NRG3: variants seen among roughly 807,000 people sequenced by gnomAD.
The protein encoded by NRG3 is pro-neuregulin-3, membrane-bound isoform.
Under a neutral mutation model 66.9 loss-of-function variants are expected in NRG3, and 31 were observed. That is an observed-to-expected ratio of 0.46 (90% CI 0.35 to 0.63). NRG3 has a LOEUF of 0.63. Among genes scored for constraint, NRG3 ranks in the 20% least tolerant of loss-of-function variants. The pLI, the probability that NRG3 is intolerant of heterozygous loss-of-function variation, is 0.00. For synonymous variants in NRG3, 393 were observed against 359.4 expected (o/e 1.09, Z -1.06); for missense variants, 910 against 878.9 (o/e 1.04, Z -0.45).
At chr10:82,801,861 A>G (rs2135439933) in intron 3 of NRG3, among the ~76,000 whole-genome samples, 1 of 152,298 alleles carries the variant, frequency 6.6e-6, no homozygotes. Context: ...CAATAGACAC[A>G]TTCAATGTAA....
chr10:82,330,208 T>C (rs1446146496), intron 1 of NRG3, among the ~76,000 whole-genome samples: 2 of 152,192 alleles, frequency 1.3e-5, no homozygotes, highest in Admixed American at 1.3e-4. Flanking sequence ...AGGGAAATGA[T>C]ACCTGTAAAA....
intron 2 of NRG3, among the ~76,000 whole-genome samples, chr10:82,722,894 A>C (rs189283491): frequency 5.8e-4 from 89 of 152,312 alleles, no homozygotes; most frequent in Middle Eastern, 3.4e-3. Flanking sequence ...AACAGGGCTT[A>C]CTGTGGAAAG....
intron 1 of NRG3, among the ~76,000 whole-genome samples, chr10:82,051,137 C>T (rs2063572949): frequency 6.6e-6 from 1 of 152,052 alleles, no homozygotes; most frequent in Admixed American, 6.6e-5. Flanking sequence ...ACAACTTTTA[C>T]TACCAGCAAA....
intron 1 of NRG3, among the ~76,000 whole-genome samples, chr10:82,318,279 A>AC (rs1293579704): frequency 6.6e-6 from 1 of 152,070 alleles, no homozygotes; most frequent in Non-Finnish European, 1.5e-5. Context: ...GGTTTGTGTG[A>AC]CCCAGTTCCC....
intron 1 of NRG3, among the ~76,000 whole-genome samples, chr10:82,345,576 A>G (rs2082959686): frequency 6.6e-6 from 1 of 151,418 alleles, no homozygotes; most frequent in Non-Finnish European, 1.5e-5. Flanking sequence ...TGAACTTTAA[A>G]GTAGTTTTTT....
At chr10:82,106,297 C>T (rs1331817168) in intron 1 of NRG3, among the ~76,000 whole-genome samples, 1 of 152,162 alleles carries the variant, frequency 6.6e-6, no homozygotes, top group Non-Finnish European at 1.5e-5. Context: ...AGTTCCTCCA[C>T]CAGTGTTGCT....
chr10:82,523,992 T>G (rs1428848055), intron 2 of NRG3, among the ~76,000 whole-genome samples: 1 of 152,078 alleles, frequency 6.6e-6, no homozygotes, highest in Non-Finnish European at 1.5e-5. Flanking sequence ...AGTTTTCCCT[T>G]AAAGTTGTTA....
intron 2 of NRG3, among the ~76,000 whole-genome samples, chr10:82,602,674 A>G (rs1351147790): frequency 1.3e-5 from 2 of 152,206 alleles, no homozygotes; most frequent in African/African-American, 4.8e-5. Context: ...GAGATCATAT[A>G]TGAAGACCCA....
rs144601328 is a variant in NRG3 at position 82,333,676 on chromosome 10, T to A, written c.824-25063T>A. On this transcript the variant is annotated intron_variant, in intron 1 of 8. Transcript: ENST00000372141. ...AGCAATTTTAGTTCCTGGAGTCTTT[T>A]CACACTTACTGAGAAATCTACAAGG... is the stretch of plus-strand genomic sequence containing the variant. Among the ~76,000 whole-genome samples the A allele has an allele frequency of 7.8e-3, 1,186 of 152,318 alleles. 13 individuals are homozygous for A. Among genetic ancestry groups the A allele is most frequent in the African/African-American group, 0.026 (1,097 of 41,570 alleles).
chr10:82,338,924 A>G, intron 1 of NRG3, among the ~76,000 whole-genome samples: 1 of 152,200 alleles, frequency 6.6e-6, no homozygotes, highest in Non-Finnish European at 1.5e-5. Flanking sequence ...ATCTGGGGCT[A>G]AAACACAGAG....
chr10:82,984,814 C>T (rs1393686641), intron 8 of NRG3: 1 of 1,548,958 alleles, frequency 6.5e-7, no homozygotes, highest in South Asian at 1.2e-5. Flanking sequence ...ATCCCACCTG[C>T]CTATACAGCT....
intron 1 of NRG3, among the ~76,000 whole-genome samples, chr10:82,086,342 A>C (rs1590056593): frequency 1.3e-5 from 2 of 152,126 alleles, no homozygotes; most frequent in African/African-American, 4.8e-5. Context: ...AGAAATTATC[A>C]AGTTTCTAAA....
chr10:81,923,503 C>A (rs745420725), intron 1 of NRG3, among the ~76,000 whole-genome samples: 1 of 152,184 alleles, frequency 6.6e-6, no homozygotes, highest in Non-Finnish European at 1.5e-5. Context: ...CCGCGCCCGG[C>A]CGAATTTGGA....
At chr10:82,582,575 G>C (rs566947187) in intron 2 of NRG3, among the ~76,000 whole-genome samples, 1 of 152,082 alleles carries the variant, frequency 6.6e-6, no homozygotes, top group South Asian at 2.1e-4. Context: ...CAGAGATAGT[G>C]CTGTTTTTAA....
chr10:82,019,862 A>G (rs1359588221), intron 1 of NRG3, among the ~76,000 whole-genome samples: 2 of 151,760 alleles, frequency 1.3e-5, no homozygotes, highest in African/African-American at 4.8e-5. Context: ...CGGTCTATCA[A>G]TTTTGTTGAT....
chr10:82,276,239 A>G (rs1198294133), intron 1 of NRG3, among the ~76,000 whole-genome samples: 3 of 152,018 alleles, frequency 2.0e-5, no homozygotes, highest in Non-Finnish European at 4.4e-5. Context: ...CAGTAAATAC[A>G]CTACAAATAC....
chr10:82,350,488 T>C (rs999742095), intron 1 of NRG3, among the ~76,000 whole-genome samples: 2 of 152,140 alleles, frequency 1.3e-5, no homozygotes, highest in African/African-American at 2.4e-5. Flanking sequence ...ATCACAGTAT[T>C]AGAGATGAAC....
intron 2 of NRG3, among the ~76,000 whole-genome samples, chr10:82,496,056 C>T (rs969407853): frequency 5.3e-5 from 8 of 152,128 alleles, no homozygotes; most frequent in African/African-American, 1.9e-4. Flanking sequence ...CAGATATGGT[C>T]TCTCTGACAA....
intron 2 of NRG3, among the ~76,000 whole-genome samples, chr10:82,451,005 CT>C (rs2090995417): frequency 6.6e-6 from 1 of 152,146 alleles, no homozygotes; most frequent in Admixed American, 6.5e-5. Context: ...TCTACGTTAA[CT>C]GCTTGGCTAC....
Sources: allele counts gnomAD v4.1 joint callset (sites outside exome capture counted in the v4.1 genomes callset), GRCh38; gene constraint gnomAD v4.1.1; transcripts MANE v1.5; gene names NCBI Gene and HGNC (gene_info 2026-07-23, HGNC 2026-07-21).